The following SLF2 variants were observed in gnomAD, a reference collection of about 807,000 sequenced individuals.
SLF2 encodes the protein SMC5/6 complex localization factor 2.
In SLF2, 68 loss-of-function variants were observed where a neutral mutation model predicts 124.3. That is an observed-to-expected ratio of 0.55 (90% CI 0.45 to 0.67). SLF2 has a LOEUF of 0.67. Ranked by LOEUF, SLF2 falls within the 30% of genes least tolerant of loss-of-function variation. The pLI, the probability that SLF2 is intolerant of heterozygous loss-of-function variation, is 0.00. For missense variants in SLF2, 1,246 were observed against 1,373.7 expected (o/e 0.91, Z 1.47); for synonymous variants, 480 against 478.8 (o/e 1.00, Z -0.03).
At chr10:100,950,306 C>G in intron 16 of SLF2, 99 bp downstream of exon 16, 1 of 1,231,862 alleles carries the variant, frequency 8.1e-7, no homozygotes, top group Non-Finnish European at 1.1e-6. Context: ...GATTTGGACA[C>G]TAGACACATT....
In SLF2 at chr10:100,962,624, T is replaced by G. The variant is rs936121430; in HGVS notation, c.*712T>G. 2 of 152,664 alleles carry G rather than the reference T, an allele frequency of 1.3e-5. No homozygotes were observed. Among genetic ancestry groups the G allele is most frequent in the South Asian group, 2.1e-4 (1 of 4,832 alleles). The allele number at this position is 152,664 out of a possible 1,614,324, so 9.5% of individuals were successfully genotyped here. A position where few individuals can be genotyped will look rare whatever the true frequency, so the allele number is the denominator to read the frequency against. On this transcript the variant is annotated 3_prime_UTR_variant, in exon 20 of 20. Coordinates refer to ENST00000238961, the MANE Select transcript of SLF2 (RefSeq NM_018121.4). ...CTGTTTTGATGCCAGAACATTCATA[T>G]GCTGTTTGTTCTGGATTTCTTTTAA...
At chr10:100,958,916 C>T (rs1242363554) in intron 18 of SLF2, among the ~76,000 whole-genome samples, 2 of 152,140 alleles carry the variant, frequency 1.3e-5, no homozygotes, top group East Asian at 1.9e-4. Context: ...AAAGGGGATT[C>T]GTAGTACTTG....
chr10:100,923,325 G>A (rs948972686), intron 4 of SLF2, among the ~76,000 whole-genome samples: 4 of 152,074 alleles, frequency 2.6e-5, no homozygotes, highest in African/African-American at 9.7e-5. Context: ...TCCTTACCTC[G>A]TCTAGCTTCT....
intron 12 of SLF2, 141 bp downstream of exon 12, chr10:100,944,269 G>A (rs1322621037): frequency 3.9e-6 from 2 of 506,378 alleles, no homozygotes; most frequent in East Asian, 7.2e-5. Flanking sequence ...GCCAGGGCGG[G>A]CAGATCACAA....
chr10:100,926,050 T>G, intron 6 of SLF2, 31 bp downstream of exon 6: 1 of 1,614,232 alleles, frequency 6.2e-7, no homozygotes, highest in Admixed American at 1.7e-5. Context: ...ATTTGCTAAA[T>G]TTAACATTTT....
intron 17 of SLF2, among the ~76,000 whole-genome samples, chr10:100,954,235 G>A (rs1850282299): frequency 6.6e-6 from 1 of 152,074 alleles, no homozygotes; most frequent in African/African-American, 2.4e-5. Context: ...TCCAGCCTGG[G>A]TGACAGAGTG....
Position 100,924,895 on chromosome 10 carries a change from T to C in SLF2, c.1894T>C (p.Phe632Leu). The change falls in exon 5 of 20, where the codon TTC becomes CTC. Residue 632 changes from phenylalanine (F) to leucine (L), a missense_variant. Phe to Leu is a conservative substitution (Grantham distance 22, BLOSUM62 0). Around this residue, in one of 3 missense-constraint regions of SLF2, gnomAD observed 535 missense variants for 632.8 expected, o/e 0.85. Coordinates refer to ENST00000238961, the MANE Select transcript of SLF2 (RefSeq NM_018121.4). ...KSLEEIMALN[F>L]NQTPAATGKP... ...ACTGGAAGAAATAATGGCTTTGAAC[T>C]TCAATCAGACTCCTGCAGCTACAGG... 1 of 1,614,198 alleles carries C rather than the reference T, an allele frequency of 6.2e-7. No homozygotes were observed. Among genetic ancestry groups the C allele is most frequent in the Non-Finnish European group, 8.5e-7 (1 of 1,180,028 alleles).
chr10:100,935,884 G>A (rs1849843441), intron 9 of SLF2, among the ~76,000 whole-genome samples: 1 of 130,292 alleles, frequency 7.7e-6, no homozygotes, highest in Non-Finnish European at 1.6e-5. Context: ...TTTGAGACAG[G>A]GTCTTGCTCT....
intron 10 of SLF2, 21 bp from the exon 11 acceptor site, chr10:100,938,574 A>G: frequency 1.9e-6 from 3 of 1,596,936 alleles, no homozygotes; most frequent in Non-Finnish European, 2.6e-6. Context: ...TTAGAATGAA[A>G]TGTTTTCTTC....
chr10:100,951,543 G>A (rs1434500967), intron 17 of SLF2, among the ~76,000 whole-genome samples: 6 of 152,170 alleles, frequency 3.9e-5, no homozygotes, highest in Admixed American at 1.3e-4. Flanking sequence ...CCTGCATCCC[G>A]TATGGCCTTA....
At chr10:100,923,610 T>TAA (rs1214659923) in intron 4 of SLF2, among the ~76,000 whole-genome samples, 1 of 152,148 alleles carries the variant, frequency 6.6e-6, no homozygotes, top group Non-Finnish European at 1.5e-5. Context: ...GTAGAAGTGT[T>TAA]ACATTTCTGC....
At position 100,916,644 on chromosome 10, in the gene SLF2, G is replaced by A. The variant is rs755507563; in HGVS notation, c.259G>A (p.Glu87Lys). 1.3e-6 allele frequency: 2 copies of A among 1,519,502 alleles called. No individual in the cohort carries two copies. Among genetic ancestry groups the A allele is most frequent in the African/African-American group, 2.8e-5 (2 of 71,648 alleles). The allele number at this position is 1,519,502 out of a possible 1,614,324, so 94.1% of individuals were successfully genotyped here. Residue 87 changes from glutamate to lysine, a missense_variant, in exon 3 of 20, where the codon GAG (glutamate) becomes AAG (lysine). This residue lies in a region of SLF2 where 698 missense variants were observed against 708.9 expected (regional missense o/e 0.98). Transcript: ENST00000238961. ...AAGTAGATTGTCTATCACTGGGACA[G>A]AGCAGTTTGAAAGGAAACTATCCTC... is the stretch of plus-strand genomic sequence containing the variant. The part of the protein sequence containing the change: ...GGSRLSITGT[E>K]QFERKLSSPK...
chr10:100,948,980 A>C (rs1480803700), intron 15 of SLF2, among the ~76,000 whole-genome samples: 1 of 152,246 alleles, frequency 6.6e-6, no homozygotes, highest in Non-Finnish European at 1.5e-5. Context: ...CTAGGAATTA[A>C]AACAAACAAA....
chr10:100,940,631 G>A (rs192082244), intron 11 of SLF2, among the ~76,000 whole-genome samples: 77 of 152,098 alleles, frequency 5.1e-4, no homozygotes, highest in African/African-American at 1.7e-3. Context: ...CAAACTGCTG[G>A]GATTACAGGC....
chr10:100,920,701 G>A lies in SLF2; in HGVS notation c.973+2260G>A, dbSNP rs531747274. Among the ~76,000 whole-genome samples, 3 of 152,338 alleles carry A rather than the reference G, an allele frequency of 2.0e-5. No individual in the cohort carries two copies. In the South Asian group the frequency reaches 6.2e-4, roughly 32 times the overall value. ...GCAGTGGTTCATGCCTGTAATCCCA[G>A]CACTTTGGGAGGCCAAGGCAGATGG... On this transcript the variant is annotated intron_variant, in intron 4 of 19. Transcript: ENST00000238961.
intron 12 of SLF2, among the ~76,000 whole-genome samples, chr10:100,945,004 T>C (rs1286197156): frequency 6.6e-6 from 1 of 151,758 alleles, no homozygotes; most frequent in East Asian, 1.9e-4. Context: ...TACTCCAGCC[T>C]GGGCGACAGA....
chr10:100,921,287 C>T (rs1418841464), intron 4 of SLF2, among the ~76,000 whole-genome samples: 1 of 152,148 alleles, frequency 6.6e-6, no homozygotes, highest in Non-Finnish European at 1.5e-5. Flanking sequence ...GAGATTGTAG[C>T]TCACTTGCAG....
At chr10:100,956,327 A>C in intron 17 of SLF2, 124 bp from the exon 18 acceptor site, 1 of 665,416 alleles carries the variant, frequency 1.5e-6, no homozygotes, top group Non-Finnish European at 2.6e-6. Context: ...TGAATAGTTA[A>C]TATCAGTCAT....
Position 100,917,903 on chromosome 10 carries a change from G to A in SLF2, c.916-481G>A, listed in dbSNP as rs571615680. Among the ~76,000 whole-genome samples, 324 of 152,034 alleles carry A rather than the reference G, an allele frequency of 2.1e-3. 3 individuals are homozygous for A. Among genetic ancestry groups the A allele is most frequent in the African/African-American group, 6.9e-3 (285 of 41,502 alleles). ...GAGACCAGCCAGAGCCACATATCGAGACCTTGGCTCTACTACAAATAAATA... is the reference window on the plus strand; with the variant it reads ...GAGACCAGCCAGAGCCACATATCGAAACCTTGGCTCTACTACAAATAAATA... On this transcript the variant is annotated intron_variant, in intron 3 of 19. Transcript: ENST00000238961.
Sources: allele counts gnomAD v4.1 joint callset (sites outside exome capture counted in the v4.1 genomes callset), GRCh38; gene constraint gnomAD v4.1.1; regional missense constraint gnomAD v4.1.1; transcripts MANE v1.5; gene names NCBI Gene and HGNC (gene_info 2026-07-23, HGNC 2026-07-21).